The following MGLL variants were observed in gnomAD, a reference collection of about 807,000 sequenced individuals.
MGLL encodes the protein monoglyceride lipase.
A neutral mutation model predicts 29.1 loss-of-function variants in MGLL; 7 were observed. The ratio of observed to expected loss-of-function variants is 0.24; its 90% CI spans 0.14 to 0.45. MGLL has a LOEUF of 0.45. MGLL is among the 20% of genes least tolerant of loss of function. The pLI is 0.99. For synonymous variants in MGLL, 148 were observed against 168.3 expected (o/e 0.88, Z 0.93); for missense variants, 356 against 413.6 (o/e 0.86, Z 1.21).
In MGLL at chr3:127,768,255, C is replaced by G. The variant is rs547192737; in HGVS notation, c.262+13534G>C. Among the ~76,000 whole-genome samples, 26 of 152,346 alleles carry G rather than the reference C, an allele frequency of 1.7e-4. No homozygotes were observed. In the South Asian group the frequency reaches 5.4e-3, roughly 32 times the overall value. ...AAATAATAACGATCTTACACAAATT[C>G]TTTCAGAACTAACTAAGAAGGAGCA... On this transcript the variant is annotated intron_variant, in intron 3 of 7. Transcript: ENST00000265052.
chr3:127,726,119 G>GGAAAGAAAGCAA (rs2076026366), intron 3 of MGLL, among the ~76,000 whole-genome samples: 1 of 75,064 alleles, frequency 1.3e-5, no homozygotes, highest in African/African-American at 5.1e-5. Flanking sequence ...AAAGAAAGCA[G>GGAAAGAAAGCAA]GAAAGAAAGA....
intron 3 of MGLL, among the ~76,000 whole-genome samples, chr3:127,729,938 A>G (rs1237113811): frequency 6.6e-6 from 1 of 152,178 alleles, no homozygotes. Context: ...TTCCAGAGCT[A>G]CAGATCCATC....
chr3:127,693,552 G>A (rs11705710), intron 7 of MGLL, among the ~76,000 whole-genome samples: 15,098 of 152,076 alleles, frequency 0.099, 1,077 homozygotes, highest in East Asian at 0.19. Context: ...TCTCTCTCTT[G>A]CCTCAGTCTG....
intron 6 of MGLL, among the ~76,000 whole-genome samples, chr3:127,702,869 A>G (rs1157854692): frequency 2.0e-5 from 3 of 151,998 alleles, no homozygotes; most frequent in African/African-American, 4.8e-5. Context: ...TAATTTTTGT[A>G]TTTTTAATAA....
chr3:127,762,775 C>T (rs1360278362), intron 3 of MGLL, among the ~76,000 whole-genome samples: 1 of 152,226 alleles, frequency 6.6e-6, no homozygotes, highest in Non-Finnish European at 1.5e-5. Context: ...AGGTGCACTT[C>T]CTGCATGCTG....
intron 3 of MGLL, among the ~76,000 whole-genome samples, chr3:127,740,841 A>T (rs1576532059): frequency 1.3e-5 from 2 of 152,314 alleles, no homozygotes; most frequent in Admixed American, 1.3e-4. Context: ...GTCTGTTTTC[A>T]TACAAGAACA....
intron 3 of MGLL, among the ~76,000 whole-genome samples, chr3:127,745,054 A>C (rs900011589): frequency 1.3e-5 from 2 of 152,224 alleles, no homozygotes; most frequent in African/African-American, 4.8e-5. Context: ...CAATGGCATC[A>C]GATCCGGGTA....
chr3:127,714,128 G>A (rs753082785), intron 5 of MGLL: 15 of 151,278 alleles, frequency 9.9e-5, no homozygotes, highest in African/African-American at 3.4e-4. Context: ...TTCCTGAGAA[G>A]TATTTGCTTT....
rs545853423 is a variant in MGLL, at chr3:127,696,396, C to CTTTTTTTTTTTTTTTTTT, written c.601-1224_601-1207dup. Among the ~76,000 whole-genome samples the CTTTTTTTTTTTTTTTTTT allele has an allele frequency of 1.6e-4, 8 of 49,346 alleles. 2 individuals carry two copies. Among genetic ancestry groups the CTTTTTTTTTTTTTTTTTT allele is most frequent in the Non-Finnish European group, 2.4e-4 (6 of 25,228 alleles). The allele number at this position is 49,346 out of a possible 152,430, so 32.4% of individuals were successfully genotyped here. A position where few individuals can be genotyped will look rare whatever the true frequency, so the allele number is the denominator to read the frequency against. On this transcript the variant is annotated intron_variant, in intron 6 of 7. Coordinates refer to ENST00000265052, the MANE Select transcript of MGLL (RefSeq NM_007283.7). ...GGGCAGGAGTGAGCCCCTGATGCTT[C>CTTTTTTTTTTTTTTTTTT]TTTTTTTTTTTTTTTTTTTTTTTTT... is the stretch of plus-strand genomic sequence containing the variant.
intron 3 of MGLL, among the ~76,000 whole-genome samples, chr3:127,747,448 T>A (rs937461921): frequency 1.3e-5 from 2 of 152,214 alleles, no homozygotes; most frequent in African/African-American, 4.8e-5. Context: ...CTGGACTGTG[T>A]GCTCCTTAGG....
rs187219247 is a variant in MGLL at position 127,793,964 on chromosome 3, G to A, written c.156-12069C>T. On this transcript the variant is annotated intron_variant, in intron 2 of 7. Transcript: ENST00000265052. ...GACTATCTTCTGACTTAAGACTATC[G>A]TCTATGATGTTAGACTATCTTCTAT... 3.6e-3 allele frequency among the ~76,000 whole-genome samples: 543 copies of A among 152,256 alleles called. 4 individuals are homozygous for A. Among genetic ancestry groups the A allele is most frequent in the Non-Finnish European group, 3.8e-3 (260 of 68,034 alleles).
chr3:127,783,263 T>C (rs1311687423), intron 2 of MGLL, among the ~76,000 whole-genome samples: 1 of 151,488 alleles, frequency 6.6e-6, no homozygotes, highest in Non-Finnish European at 1.5e-5. Flanking sequence ...GAAGCTGCTA[T>C]AGGGCTCAGA....
intron 3 of MGLL, among the ~76,000 whole-genome samples, chr3:127,764,918 GACTCATCCTTT>G (rs996747252): frequency 6.6e-6 from 1 of 152,176 alleles, no homozygotes; most frequent in Non-Finnish European, 1.5e-5. Context: ...TAGAGACTTT[GACTCATCCTTT>G]ACTGTAGATG....
rs565417293 is a variant in MGLL at position 127,732,534 on chromosome 3, G to C, written c.263-9968C>G. ...GCCTTCTTAACAAGATAAAGAACCCGCTGTGTGAAAACACAGGGCTGGCAT... is the reference window on the plus strand; with the variant it reads ...GCCTTCTTAACAAGATAAAGAACCCCCTGTGTGAAAACACAGGGCTGGCAT... On this transcript the variant is annotated intron_variant, in intron 3 of 7. Coordinates refer to ENST00000265052, the MANE Select transcript of MGLL (RefSeq NM_007283.7). 1.2e-4 allele frequency among the ~76,000 whole-genome samples: 19 copies of C among 152,108 alleles called. No individual in the cohort carries two copies. In the East Asian group the frequency reaches 3.5e-3, roughly 28 times the overall value.
Position 127,821,597 on chromosome 3 carries a change from A to C in MGLL, c.155+97T>G, listed in dbSNP as rs910628052. On this transcript the variant is annotated intron_variant, in intron 2 of 7. Transcript: ENST00000265052. Reference sequence around the variant, plus strand: ...CGGCAGGGGAAGTAGGTCATAGAGAAAGCGGCCCCGCCCCAGATGGCACAT... The same window carrying C: ...CGGCAGGGGAAGTAGGTCATAGAGACAGCGGCCCCGCCCCAGATGGCACAT... 10 of 1,433,972 alleles carry C rather than the reference A, an allele frequency of 7.0e-6. No homozygotes were observed. The African/African-American group carries it at 1.4e-4, about 20-fold the overall frequency. 88.8% of individuals were successfully genotyped at this position (1,433,972 alleles called of 1,614,324 possible).
chr3:127,815,355 A>T (rs1442391524), intron 2 of MGLL, among the ~76,000 whole-genome samples: 2 of 152,152 alleles, frequency 1.3e-5, no homozygotes, highest in African/African-American at 4.8e-5. Context: ...CCACATTCCC[A>T]CACCCTCAAT....
At chr3:127,720,547 C>G (rs189046965) in intron 5 of MGLL, among the ~76,000 whole-genome samples, 21 of 152,326 alleles carry the variant, frequency 1.4e-4, no homozygotes, top group African/African-American at 5.1e-4. Flanking sequence ...TATATCATTC[C>G]TATGGGTCAT....
intron 2 of MGLL, among the ~76,000 whole-genome samples, chr3:127,789,489 T>C (rs1233935576): frequency 6.6e-6 from 1 of 152,188 alleles, no homozygotes; most frequent in Non-Finnish European, 1.5e-5. Context: ...AGGGGAAGAC[T>C]GCTTGAGGCC....
chr3:127,783,597 C>T (rs549434880), intron 2 of MGLL, among the ~76,000 whole-genome samples: 2 of 152,232 alleles, frequency 1.3e-5, no homozygotes, highest in Non-Finnish European at 2.9e-5. Context: ...CAGAATGGCA[C>T]CAGTTTGTTT....
Sources: allele counts gnomAD v4.1 joint callset (sites outside exome capture counted in the v4.1 genomes callset), GRCh38; gene constraint gnomAD v4.1.1; transcripts MANE v1.5; gene names NCBI Gene and HGNC (gene_info 2026-07-23, HGNC 2026-07-21).